Variants in DAB1 observed in about 807,000 individuals in gnomAD.
The protein encoded by DAB1 is DAB adaptor protein 1, also known as disabled homolog 1.
DAB1 carries 15 observed loss-of-function variants against 64.6 expected under a neutral mutation model. The ratio of observed to expected loss-of-function variants is 0.23; its 90% CI spans 0.16 to 0.36. The LOEUF (loss-of-function observed/expected upper bound fraction) is 0.36, where lower values mean the gene tolerates loss of function less well. Ranked by LOEUF, DAB1 falls within the 10% of genes least tolerant of loss-of-function variation. The pLI is 1.00. For synonymous variants in DAB1, 235 were observed against 251.9 expected, an observed-to-expected ratio of 0.93 and a Z score of 0.64; for missense variants, 596 against 706.7, an observed-to-expected ratio of 0.84 and a Z score of 1.78.
At chr1:57,127,584 A>G (rs1407813717) in intron 4 of DAB1, among the ~76,000 whole-genome samples, 1 of 152,126 alleles carries the variant, frequency 6.6e-6, no homozygotes, top group African/African-American at 2.4e-5. Flanking sequence ...GGGGACCTTC[A>G]TTTAGTTCAC....
At chr1:57,432,891 A>G (rs1029862838) in intron 7 of DAB1, among the ~76,000 whole-genome samples, 1 of 152,210 alleles carries the variant, frequency 6.6e-6, no homozygotes, top group Non-Finnish European at 1.5e-5. Flanking sequence ...TCATTTTACA[A>G]GTTAGAAATA....
chr1:57,651,643 C>T lies in DAB1; in HGVS notation n.552-1978G>A, dbSNP rs61769638. Among the ~76,000 whole-genome samples, 758 of 151,192 alleles carry T rather than the reference C, an allele frequency of 5.0e-3. 4 individuals carry two copies. The highest frequency in any genetic ancestry group is 9.0e-3 in the Non-Finnish European group (612 of 67,930). ...AAGTGGGATAATAAGTCTAACCTGA[C>T]GGGTTTATTGTAGAAAACAAACAAA... On this transcript the variant is annotated intron_variant and non_coding_transcript_variant, in intron 6 of 20. Transcript: ENST00000485760.
rs574646694 is a variant in DAB1, at chr1:58,124,003, T to C, written n.387+26508A>G. ...AATGATATAGACTATTTTAAAAACATGAAGTGTAAACATCTAGGTTTTCAT... is the reference window on the plus strand; with the variant it reads ...AATGATATAGACTATTTTAAAAACACGAAGTGTAAACATCTAGGTTTTCAT... On this transcript the variant is annotated intron_variant and non_coding_transcript_variant, in intron 5 of 20. Coordinates refer to the DAB1 transcript ENST00000485760. Among the ~76,000 whole-genome samples, 6 of 152,214 alleles carry C rather than the reference T, an allele frequency of 3.9e-5. No homozygotes were observed. The East Asian group carries it at 1.2e-3, about 29-fold the overall frequency.
intron 4 of DAB1, among the ~76,000 whole-genome samples, chr1:58,240,449 C>G (rs1660242855): frequency 6.6e-6 from 1 of 152,210 alleles, no homozygotes; most frequent in Non-Finnish European, 1.5e-5. Flanking sequence ...AGACCTTACA[C>G]AATTTCACAG....
At chr1:57,965,638 C>A (rs1225344216) in intron 5 of DAB1, among the ~76,000 whole-genome samples, 1 of 152,144 alleles carries the variant, frequency 6.6e-6, no homozygotes, top group African/African-American at 2.4e-5. Flanking sequence ...AGGAATATAG[C>A]ATCCACAGTT....
rs537881117 is a variant in DAB1 at position 57,535,465 on chromosome 1, A to C, written n.625+114127T>G. Among the ~76,000 whole-genome samples the C allele has an allele frequency of 5.5e-4, 71 of 129,590 alleles. 1 individual carries two copies. The East Asian group carries it at 0.016, about 30-fold the overall frequency. 85.0% of individuals were successfully genotyped at this position (129,590 alleles called of 152,430 possible). On this transcript the variant is annotated intron_variant and non_coding_transcript_variant, in intron 7 of 20. Transcript: ENST00000485760. ...GGATTCTACTGTTACATTTTGTTGG[A>C]CATTCTTTTTTTTTTTTTTTTTGGA... is the stretch of plus-strand genomic sequence containing the variant.
intron 1 of DAB1, among the ~76,000 whole-genome samples, chr1:57,881,702 T>C (rs1220209863): frequency 2.6e-5 from 4 of 152,284 alleles, no homozygotes; most frequent in African/African-American, 9.6e-5. Flanking sequence ...GTATAAAGCA[T>C]TCGTATAAAT....
chr1:57,812,319 C>CAAAA (rs67005172), intron 6 of DAB1, among the ~76,000 whole-genome samples: 53 of 100,638 alleles, frequency 5.3e-4, no homozygotes, highest in Non-Finnish European at 7.3e-4. Context: ...GATTCATTGC[C>CAAAA]AAAAAAAAAA....
chr1:57,832,670 T>C (rs939428559), intron 1 of DAB1, among the ~76,000 whole-genome samples: 6 of 152,202 alleles, frequency 3.9e-5, no homozygotes, highest in Admixed American at 1.3e-4. Context: ...AATGCAGATG[T>C]GCAGTCAATG....
intron 4 of DAB1, among the ~76,000 whole-genome samples, chr1:58,205,517 C>T (rs536848264): frequency 4.6e-5 from 7 of 152,198 alleles, no homozygotes; most frequent in Non-Finnish European, 1.0e-4. Flanking sequence ...CCCTGAGAAC[C>T]TGTTTGTGAT....
At chr1:57,751,000 T>C (rs987174905) in intron 6 of DAB1, among the ~76,000 whole-genome samples, 4 of 152,142 alleles carry the variant, frequency 2.6e-5, no homozygotes, top group Non-Finnish European at 5.9e-5. Flanking sequence ...TGGGGGATAC[T>C]GTTTCCTCCA....
At chr1:58,540,774 T>C (rs1021019743) in intron 1 of DAB1, among the ~76,000 whole-genome samples, 2 of 151,376 alleles carry the variant, frequency 1.3e-5, no homozygotes, top group East Asian at 3.9e-4. Context: ...CTAATATTCA[T>C]CTAACTGAAG....
chr1:57,096,134 T>C (rs1654141031), intron 4 of DAB1, among the ~76,000 whole-genome samples: 1 of 152,180 alleles, frequency 6.6e-6, no homozygotes, highest in Admixed American at 6.5e-5. Context: ...GATAGGGAAA[T>C]CGAAGCTGAG....
intron 3 of DAB1, among the ~76,000 whole-genome samples, chr1:58,372,833 C>G (rs1241245776): frequency 6.6e-6 from 1 of 152,130 alleles, no homozygotes; most frequent in Non-Finnish European, 1.5e-5. Flanking sequence ...GCCTTGCTTT[C>G]CATTCACCTT....
In DAB1 at chr1:58,255,426, TTCTCTCTCTC is replaced by T. The variant is rs66613225; in HGVS notation, n.309+87916_309+87925del. ...GTGAACTCTCTTGCTTGCTTGTTCA[TTCTCTCTCTC>T]TCTCTCTCTCTCTCTCCTTCTATAC... On this transcript the variant is annotated intron_variant and non_coding_transcript_variant, in intron 4 of 20. Transcript: ENST00000485760. Among the ~76,000 whole-genome samples the T allele has an allele frequency of 1.3e-3, 189 of 149,198 alleles. 1 individual carries two copies. In the East Asian group the frequency reaches 0.031, roughly 25 times the overall value.
intron 1 of DAB1, among the ~76,000 whole-genome samples, chr1:57,410,713 A>C (rs1684039170): frequency 1.3e-5 from 2 of 152,210 alleles, no homozygotes; most frequent in Admixed American, 1.3e-4. Context: ...ACAGAATGAT[A>C]TCTAGCCTGA....
intron 3 of DAB1, among the ~76,000 whole-genome samples, chr1:58,350,300 G>A (rs78541850): frequency 6.6e-6 from 1 of 152,208 alleles, no homozygotes; most frequent in African/African-American, 2.4e-5. Flanking sequence ...TTTTGATGGG[G>A]TTGTTTGTTT....
intron 1 of DAB1, among the ~76,000 whole-genome samples, chr1:57,374,676 G>C (rs1680758157): frequency 6.6e-6 from 1 of 152,176 alleles, no homozygotes; most frequent in Admixed American, 6.5e-5. Context: ...GAACAGGACA[G>C]CTTGGCTCTG....
chr1:58,506,974 C>T (rs6671358), intron 2 of DAB1, among the ~76,000 whole-genome samples: 5,663 of 151,994 alleles, frequency 0.037, 150 homozygotes, highest in Non-Finnish European at 0.051. Context: ...CATACTCATA[C>T]GTATATACTT....
Sources: gnomAD v4.1 joint callset for allele counts (sites outside exome capture counted in the v4.1 genomes callset) on GRCh38, gnomAD v4.1.1 for gene constraint, MANE v1.5 for transcripts, NCBI Gene and HGNC (gene_info 2026-07-23, HGNC 2026-07-21) for gene names.